The following NF1 variants were observed in gnomAD, a reference collection of about 807,000 sequenced individuals.
The protein encoded by NF1 is neurofibromin 1, also known as neurofibromin.
NF1 carries 122 observed loss-of-function variants against 325.7 expected under a neutral mutation model. The ratio of observed to expected loss-of-function variants is 0.37; its 90% CI spans 0.32 to 0.44. The LOEUF is 0.44. Among genes scored for constraint, NF1 ranks in the 20% least tolerant of loss-of-function variants. NF1 has a pLI of 1.00. For synonymous variants in NF1, 1,091 were observed against 1,186.0 expected (o/e 0.92, Z 1.65); for missense variants, 2,140 against 3,415.4 (o/e 0.63, Z 9.31).
intron 1 of NF1, chr17:31,133,325 A>G (rs1041366395): frequency 6.6e-6 from 1 of 152,168 alleles, no homozygotes; most frequent in African/African-American, 2.4e-5. Flanking sequence ...AGAATTTCCT[A>G]CCTTTTAAAG....
chr17:31,206,709 G>C lies in NF1; in HGVS notation c.1392+338G>C, dbSNP rs565795562. ...TTTGATTAGCCTCTCACGTTTTGGG[G>C]ATGAGTAAGGGAAGCTGACTCCTGG... is the stretch of plus-strand genomic sequence containing the variant. On this transcript the variant is annotated intron_variant, in intron 12 of 57. Coordinates refer to ENST00000358273, the MANE Select transcript of NF1 (RefSeq NM_001042492.3). 2.0e-5 allele frequency among the ~76,000 whole-genome samples: 3 copies of C among 151,978 alleles called. No individual in the cohort carries two copies. The South Asian group carries it at 6.2e-4, about 31-fold the overall frequency.
intron 1 of NF1, among the ~76,000 whole-genome samples, chr17:31,102,837 TTTC>T (rs924028421): frequency 7.9e-5 from 12 of 152,096 alleles, no homozygotes; most frequent in East Asian, 1.9e-4. Flanking sequence ...AGTTCTCTTT[TTTC>T]TTCTTCTTCA....
intron 36 of NF1, chr17:31,305,175 A>C (rs1438844617): frequency 6.2e-7 from 1 of 1,614,158 alleles, no homozygotes. Context: ...GTTGAGTAAA[A>C]GTATAGACAA....
intron 32 of NF1, among the ~76,000 whole-genome samples, 192 bp from the exon 33 acceptor site, chr17:31,258,839 GT>G (rs1388906015): frequency 6.6e-6 from 1 of 151,918 alleles, no homozygotes; most frequent in Non-Finnish European, 1.5e-5. Flanking sequence ...ATTTTTACAT[GT>G]AAATATAATA....
At chr17:31,154,629 T>C (rs751143123) in intron 1 of NF1, among the ~76,000 whole-genome samples, 1 of 152,010 alleles carries the variant, frequency 6.6e-6, no homozygotes, top group Non-Finnish European at 1.5e-5. Context: ...TTTTCCTCCA[T>C]AATCTTTATA....
intron 1 of NF1, among the ~76,000 whole-genome samples, chr17:31,136,001 G>A (rs1451536343): frequency 1.3e-5 from 2 of 151,890 alleles, no homozygotes; most frequent in African/African-American, 4.8e-5. Flanking sequence ...CTTTTGATGA[G>A]GGTCTGTTGC....
intron 55 of NF1, 98 bp downstream of exon 55, chr17:31,358,720 C>A (rs2151585530): frequency 6.8e-7 from 1 of 1,460,474 alleles, no homozygotes; most frequent in Non-Finnish European, 9.6e-7. Flanking sequence ...AAGGGATAGA[C>A]TTGTTCATAC....
At chr17:31,368,359 C>T (rs1448155752) in intron 57 of NF1, among the ~76,000 whole-genome samples, 3 of 152,078 alleles carry the variant, frequency 2.0e-5, no homozygotes, top group East Asian at 1.9e-4. Context: ...AGGCTGGTCT[C>T]GAACTCCTGA....
chr17:31,237,351 T>C (rs924950836), intron 29 of NF1, among the ~76,000 whole-genome samples: 4 of 152,224 alleles, frequency 2.6e-5, no homozygotes, highest in Non-Finnish European at 4.4e-5. Flanking sequence ...CTCGGCTCAC[T>C]GCAACCTTCC....
At chr17:31,190,962 C>T (rs1462784878) in intron 8 of NF1, among the ~76,000 whole-genome samples, 1 of 152,112 alleles carries the variant, frequency 6.6e-6, no homozygotes, top group Non-Finnish European at 1.5e-5. Context: ...TATGTTATTA[C>T]CTTGATTGTG....
Position 31,376,635 on chromosome 17 carries a change from T to C in NF1, c.*2480T>C, listed in dbSNP as rs2070735210. On this transcript the variant is annotated 3_prime_UTR_variant, in exon 58 of 58. Transcript: ENST00000358273. ...ACTTTTTTAGTCTTCATACTTGTAA[T>C]CTATAAAAGAAATTCTGAAGTTTAG... The C allele has an allele frequency of 4.3e-6, 1 of 232,998 alleles. No homozygotes were observed. Among genetic ancestry groups the C allele is most frequent in the South Asian group, 1.8e-4 (1 of 5,536 alleles). The allele number at this position is 232,998 out of a possible 1,614,324, so 14.4% of individuals were successfully genotyped here.
At chr17:31,249,901 T>C in intron 30 of NF1, 1 of 480,214 alleles carries the variant, frequency 2.1e-6, no homozygotes, top group South Asian at 1.6e-5. Flanking sequence ...GGGGTGGATA[T>C]AAGGGAAATA....
rs2151553948 is a variant in NF1 at position 31,336,566 on chromosome 17, A to G, written c.6148-69A>G. On this transcript the variant is annotated intron_variant, in intron 41 of 57. Transcript: ENST00000358273. The surrounding 1 kb of genome is among the most constrained non-coding windows in gnomAD (Gnocchi z 5.5). ...TGTAATTACTTTTAAATTAAACTGA[A>G]CTTTTTTGTGCTAAAACTTTGAGTC... is the stretch of plus-strand genomic sequence containing the variant. The G allele has an allele frequency of 2.5e-6, 4 of 1,584,470 alleles. No homozygotes were observed. Among genetic ancestry groups the G allele is most frequent in the Non-Finnish European group, 3.4e-6 (4 of 1,164,172 alleles).
intron 36 of NF1, among the ~76,000 whole-genome samples, chr17:31,306,094 C>A (rs909480552): frequency 2.6e-5 from 4 of 151,914 alleles, no homozygotes; most frequent in Admixed American, 6.6e-5. Context: ...TTCTTTATTT[C>A]TTCTCTCCCC....
chr17:31,353,061 AC>A (rs916079170), intron 51 of NF1, among the ~76,000 whole-genome samples: 4 of 152,066 alleles, frequency 2.6e-5, no homozygotes, highest in Non-Finnish European at 4.4e-5. Flanking sequence ...GGCACACGTC[AC>A]CACATCTGGC....
chr17:31,333,994 A>G (rs1198307023), intron 39 of NF1, among the ~76,000 whole-genome samples: 3 of 152,176 alleles, frequency 2.0e-5, no homozygotes, highest in Non-Finnish European at 4.4e-5. Flanking sequence ...TGAATAAATA[A>G]TCTCAGTATA....
At chr17:31,264,068 C>T (rs528709335) in intron 35 of NF1, among the ~76,000 whole-genome samples, 2 of 152,138 alleles carry the variant, frequency 1.3e-5, no homozygotes, top group South Asian at 4.1e-4. Flanking sequence ...ACATAAGGCT[C>T]ATAGAAATAC....
At chr17:31,229,999 A>G (rs1399041810) in intron 22 of NF1, 25 bp downstream of exon 22, 2 of 1,611,426 alleles carry the variant, frequency 1.2e-6, no homozygotes, top group Non-Finnish European at 1.7e-6. Flanking sequence ...GAAATGTAGC[A>G]GAAACATTTT....
Position 31,374,289 on chromosome 17 carries a change from A to G in NF1, c.*134A>G, listed in dbSNP as rs2070700809. ...TTATAATGAACCCATCCGGTTTGCC[A>G]TGTTGCCAGATGATCAACTCTTCGA... is the stretch of plus-strand genomic sequence containing the variant. On this transcript the variant is annotated 3_prime_UTR_variant, in exon 58 of 58. Transcript: ENST00000358273. 1 of 1,140,958 alleles carries G rather than the reference A, an allele frequency of 8.8e-7. No homozygotes were observed. The highest frequency in any genetic ancestry group is 1.3e-6 in the Non-Finnish European group (1 of 768,790). 70.7% of individuals were successfully genotyped at this position (1,140,958 alleles called of 1,614,324 possible). A position where few individuals can be genotyped will look rare whatever the true frequency, so the allele number is the denominator to read the frequency against.
Sources: gnomAD v4.1 joint callset for allele counts (sites outside exome capture counted in the v4.1 genomes callset) on GRCh38, gnomAD v4.1.1 for gene constraint, Gnocchi (gnomAD v3.1) non-coding constraint, MANE v1.5 for transcripts, NCBI Gene and HGNC (gene_info 2026-07-23, HGNC 2026-07-21) for gene names.